Variants in AMMECR1 observed in about 807,000 individuals in gnomAD.
AMMECR1 encodes AMMECR nuclear protein 1, also known as nuclear protein AMMECR1.
AMMECR1 carries 3 observed loss-of-function variants against 22.5 expected under a neutral mutation model. The ratio of observed to expected loss-of-function variants is 0.13; its 90% CI spans 0.06 to 0.35. The LOEUF is 0.35. AMMECR1 is among the 10% of genes least tolerant of loss of function. AMMECR1 has a pLI of 1.00. For synonymous variants in AMMECR1, 130 were observed against 116.7 expected (o/e 1.11, Z -0.74); for missense variants, 235 against 278.7 (o/e 0.84, Z 1.12).
chrX:110,239,426 A>G (rs1167116361), intron 2 of AMMECR1, among the ~76,000 whole-genome samples: 1 of 111,297 alleles, frequency 9.0e-6, no homozygotes, highest in Non-Finnish European at 1.9e-5. Flanking sequence ...TAGCCGAATC[A>G]TCAAGTAGAA....
intron 2 of AMMECR1, among the ~76,000 whole-genome samples, chrX:110,386,170 T>C (rs371661547): frequency 1.7e-4 from 19 of 110,873 alleles, no homozygotes; most frequent in African/African-American, 6.2e-4. Context: ...CTGGATCATA[T>C]GGTAACACTA....
intron 1 of AMMECR1, among the ~76,000 whole-genome samples, chrX:110,266,313 T>C (rs2067768449): frequency 9.0e-6 from 1 of 111,597 alleles, no homozygotes; most frequent in Non-Finnish European, 1.9e-5. Flanking sequence ...TTAAACCTTA[T>C]CTTTAAGGAT....
intron 2 of AMMECR1, among the ~76,000 whole-genome samples, chrX:110,227,876 A>T (rs759583624): frequency 8.6e-4 from 96 of 112,199 alleles, no homozygotes; most frequent in Non-Finnish European, 1.5e-3. Context: ...ATAGTGACAG[A>T]GAAAAGAACA....
chrX:110,411,397 T>C (rs1350769979), intron 2 of AMMECR1, among the ~76,000 whole-genome samples: 1 of 111,947 alleles, frequency 8.9e-6, no homozygotes, highest in African/African-American at 3.3e-5. Flanking sequence ...CCATTTACTG[T>C]GACAACCGGC....
At chrX:110,386,328 T>A (rs867754476) in intron 2 of AMMECR1, among the ~76,000 whole-genome samples, 28 of 109,988 alleles carry the variant, frequency 2.5e-4, no homozygotes, top group African/African-American at 8.8e-4. Flanking sequence ...TATTAAATTA[T>A]TATTTTTATT....
At chrX:110,373,427 T>C (rs754734526) in intron 2 of AMMECR1, among the ~76,000 whole-genome samples, 6 of 111,823 alleles carry the variant, frequency 5.4e-5, no homozygotes, top group African/African-American at 1.6e-4. Flanking sequence ...AATGAAACTC[T>C]AGCAGAGGCA....
At chrX:110,300,119 T>C (rs898437760) in intron 1 of AMMECR1, among the ~76,000 whole-genome samples, 7 of 112,484 alleles carry the variant, frequency 6.2e-5, no homozygotes, top group African/African-American at 1.9e-4. Context: ...TTTTCCATAA[T>C]GGCTATGCCA....
intron 1 of AMMECR1, among the ~76,000 whole-genome samples, chrX:110,290,423 T>G (rs947932488): frequency 1.8e-5 from 2 of 111,982 alleles, no homozygotes; most frequent in African/African-American, 6.5e-5. Context: ...GTATAAGATT[T>G]ATGTGCTGAT....
intron 1 of AMMECR1, among the ~76,000 whole-genome samples, chrX:110,296,547 G>C (rs1208073284): frequency 9.0e-6 from 1 of 111,633 alleles, no homozygotes; most frequent in Non-Finnish European, 1.9e-5. Flanking sequence ...AGGTCTCTTA[G>C]GCTTTGCTAC....
chrX:110,197,466 A>G lies in AMMECR1; in HGVS notation c.*1054T>C, dbSNP rs978508056. On this transcript the variant is annotated 3_prime_UTR_variant, in exon 6 of 6. Transcript: ENST00000262844. ...AAATTTAAATTAATATAAAATAGACAAATGTCTCTTATTGGTTATTTGCTC... is the reference window on the plus strand; with the variant it reads ...AAATTTAAATTAATATAAAATAGACGAATGTCTCTTATTGGTTATTTGCTC... The G allele has an allele frequency of 8.9e-6, 1 of 112,031 alleles. No individual in the cohort carries two copies. The allele number at this position is 112,031 out of a possible 1,213,427, so 9.2% of individuals were successfully genotyped here. A position where few individuals can be genotyped will look rare whatever the true frequency, so the allele number is the denominator to read the frequency against.
intron 1 of AMMECR1, among the ~76,000 whole-genome samples, chrX:110,277,942 A>G (rs1172688703): frequency 8.9e-6 from 1 of 112,060 alleles, no homozygotes; most frequent in African/African-American, 3.2e-5. Flanking sequence ...ATAACTCCTA[A>G]AAGATCTTGA....
intron 2 of AMMECR1, among the ~76,000 whole-genome samples, chrX:110,416,858 T>A (rs1255029808): frequency 9.0e-6 from 1 of 111,586 alleles, no homozygotes; most frequent in Non-Finnish European, 1.9e-5. Context: ...CAGCTTCAAA[T>A]CCTGGCCTTA....
chrX:110,415,725 A>G (rs1199276845), intron 2 of AMMECR1, among the ~76,000 whole-genome samples: 2 of 111,414 alleles, frequency 1.8e-5, no homozygotes, highest in African/African-American at 6.5e-5. Flanking sequence ...TTTCTCCCAA[A>G]GCTGGGCCGC....
intron 2 of AMMECR1, among the ~76,000 whole-genome samples, chrX:110,218,135 C>T (rs1252041736): frequency 2.7e-5 from 3 of 110,772 alleles, no homozygotes; most frequent in Non-Finnish European, 5.7e-5. Context: ...TTAAAAAATA[C>T]TTCCAAGTTC....
intron 2 of AMMECR1, among the ~76,000 whole-genome samples, chrX:110,380,975 C>T (rs188456181): frequency 2.6e-4 from 29 of 112,184 alleles, no homozygotes; most frequent in African/African-American, 9.1e-4. Context: ...TGTAAGACTT[C>T]AAACTATAAA....
At chrX:110,382,484 G>A (rs532178986) in intron 2 of AMMECR1, among the ~76,000 whole-genome samples, 106 of 111,257 alleles carry the variant, frequency 9.5e-4, no homozygotes, top group Middle Eastern at 4.7e-3. Flanking sequence ...GGATTTGAGG[G>A]TTAAACTAAA....
intron 1 of AMMECR1, among the ~76,000 whole-genome samples, chrX:110,295,711 C>A (rs1420161556): frequency 9.0e-6 from 1 of 111,655 alleles, no homozygotes; most frequent in Non-Finnish European, 1.9e-5. Context: ...GTTTGAGTCA[C>A]TTTCTTAATG....
chrX:110,371,267 T>G (rs1051613444), intron 2 of AMMECR1, among the ~76,000 whole-genome samples: 1 of 110,206 alleles, frequency 9.1e-6, no homozygotes, highest in Non-Finnish European at 1.9e-5. Context: ...TTTTAGTTAT[T>G]GTGGGTACAT....
At chrX:110,321,602 C>T (rs1310234722), upstream of AMMECR1, among the ~76,000 whole-genome samples, 1 of 111,635 alleles carries the variant, frequency 9.0e-6, no homozygotes, top group Non-Finnish European at 1.9e-5. Context: ...AATTTGTTCT[C>T]GTGTTTACAA....
Sources: allele counts gnomAD v4.1 joint callset (sites outside exome capture counted in the v4.1 genomes callset), GRCh38; gene constraint gnomAD v4.1.1; transcripts MANE v1.5; gene names NCBI Gene and HGNC (gene_info 2026-07-23, HGNC 2026-07-21).